LOC128092253: variants seen among roughly 807,000 people sequenced by gnomAD.
chr6:133,959,917 C>T, the LOC128092253 span, among the ~76,000 whole-genome samples: 1 of 152,134 alleles, frequency 6.6e-6, no homozygotes, highest in Non-Finnish European at 1.5e-5. Context: ...CTGTGGACAA[C>T]ATTTATAGGG....
chr6:133,957,632 A>C, the LOC128092253 span, among the ~76,000 whole-genome samples: 8 of 152,228 alleles, frequency 5.3e-5, no homozygotes, highest in African/African-American at 1.9e-4. Context: ...TGGGATTGGT[A>C]CAACACTTAA....
the LOC128092253 span, among the ~76,000 whole-genome samples, chr6:133,962,089 G>A: frequency 7.4e-4 from 112 of 152,214 alleles, 1 homozygote; most frequent in African/African-American, 2.6e-3. Context: ...ATAAAACCGC[G>A]AAACAGTCTG....
At chr6:133,974,491 G>A in the LOC128092253 span, among the ~76,000 whole-genome samples, 787 of 152,214 alleles carry the variant, frequency 5.2e-3, 6 homozygotes, top group African/African-American at 0.018. Flanking sequence ...GCACCACCAC[G>A]CCCGGCTGAT....
At chr6:133,974,506 G>T in the LOC128092253 span, among the ~76,000 whole-genome samples, 2 of 152,124 alleles carry the variant, frequency 1.3e-5, no homozygotes, top group Non-Finnish European at 2.9e-5. Flanking sequence ...GCTGATTTTT[G>T]TATTTTTAGA....
At chr6:133,957,728 G>A in the LOC128092253 span, among the ~76,000 whole-genome samples, 1 of 152,194 alleles carries the variant, frequency 6.6e-6, no homozygotes, top group Non-Finnish European at 1.5e-5. Context: ...ATATTAAATA[G>A]CTTTCTCACT....
chr6:133,955,242 C>T, the LOC128092253 span, among the ~76,000 whole-genome samples: 2 of 148,212 alleles, frequency 1.3e-5, no homozygotes, highest in Non-Finnish European at 3.0e-5. Flanking sequence ...TCTAGTTTGC[C>T]GTTGTCTGTC....
chr6:133,974,797 ATAAG>A, the LOC128092253 span, among the ~76,000 whole-genome samples: 32 of 152,352 alleles, frequency 2.1e-4, no homozygotes, highest in Middle Eastern at 3.4e-3. Context: ...ATTTGCCAAT[ATAAG>A]TAAGTGTCAT....
the LOC128092253 span, among the ~76,000 whole-genome samples, chr6:133,960,971 T>C: frequency 6.6e-6 from 1 of 152,246 alleles, no homozygotes; most frequent in Non-Finnish European, 1.5e-5. Context: ...TTGTAAAAGC[T>C]CCTGGAACAC....
chr6:133,978,707 A>G, the LOC128092253 span, among the ~76,000 whole-genome samples: 3 of 152,232 alleles, frequency 2.0e-5, no homozygotes, highest in African/African-American at 7.2e-5. Context: ...ATTGAATGCC[A>G]TATGGTCTTA....
the LOC128092253 span, among the ~76,000 whole-genome samples, chr6:133,963,805 C>T: frequency 8.0e-5 from 12 of 149,180 alleles, no homozygotes; most frequent in Admixed American, 3.3e-4. Context: ...CTGAGGCGGG[C>T]GGATCACAAG....
chr6:133,964,097 G>A, the LOC128092253 span, among the ~76,000 whole-genome samples: 1 of 152,098 alleles, frequency 6.6e-6, no homozygotes, highest in Non-Finnish European at 1.5e-5. Flanking sequence ...TGTGTGTTCT[G>A]TGTAAGAACC....
chr6:133,964,879 A>T, the LOC128092253 span, among the ~76,000 whole-genome samples: 1 of 152,228 alleles, frequency 6.6e-6, no homozygotes, highest in Non-Finnish European at 1.5e-5. Flanking sequence ...GGGTAACTCT[A>T]TAAAAACAGT....
At chr6:133,956,440 A>G in the LOC128092253 span, among the ~76,000 whole-genome samples, 11,890 of 152,270 alleles carry the variant, frequency 0.078, 448 homozygotes, top group Non-Finnish European at 0.085. Flanking sequence ...ATAAAACATG[A>G]CAGACACAAA....
the LOC128092253 span, among the ~76,000 whole-genome samples, chr6:133,966,740 C>T: frequency 6.6e-6 from 1 of 152,078 alleles, no homozygotes; most frequent in African/African-American, 2.4e-5. Context: ...TTTTTTCCAT[C>T]CCCATATCAA....
At chr6:133,960,308 G>T in the LOC128092253 span, among the ~76,000 whole-genome samples, 2 of 152,116 alleles carry the variant, frequency 1.3e-5, no homozygotes, top group Non-Finnish European at 2.9e-5. Context: ...TGTACTGAGG[G>T]GGGAGGCCCT....
the LOC128092253 span, among the ~76,000 whole-genome samples, chr6:133,970,128 G>A: frequency 6.6e-6 from 1 of 152,020 alleles, no homozygotes; most frequent in Non-Finnish European, 1.5e-5. Flanking sequence ...TTTTTTGTGT[G>A]GCTTCATGAG....
At chr6:133,961,019 A>G in the LOC128092253 span, among the ~76,000 whole-genome samples, 1 of 152,248 alleles carries the variant, frequency 6.6e-6, no homozygotes, top group African/African-American at 2.4e-5. Flanking sequence ...ACCTAAAACC[A>G]TTAGTAACTT....
chr6:133,962,659 G>T, the LOC128092253 span, among the ~76,000 whole-genome samples: 1 of 152,194 alleles, frequency 6.6e-6, no homozygotes, highest in African/African-American at 2.4e-5. Flanking sequence ...ATAGATGTAG[G>T]AGCCAGCCAT....
the LOC128092253 span, among the ~76,000 whole-genome samples, chr6:133,972,358 C>T: frequency 6.6e-6 from 1 of 152,182 alleles, no homozygotes; most frequent in Non-Finnish European, 1.5e-5. Context: ...AAACCGGGAT[C>T]TAATCAAGGA....
Sources: gnomAD v4.1 joint callset for allele counts (sites outside exome capture counted in the v4.1 genomes callset) on GRCh38, gnomAD v4.1.1 for gene constraint, MANE v1.5 for transcripts.